The following PRKCG variants were observed in gnomAD, a reference collection of about 807,000 sequenced individuals.
PRKCG encodes the protein protein kinase C gamma type.
PRKCG carries 28 observed loss-of-function variants against 82.0 expected under a neutral mutation model. The ratio of observed to expected loss-of-function variants is 0.34; its 90% CI spans 0.25 to 0.47. The LOEUF is 0.47. PRKCG is among the 20% of genes least tolerant of loss of function. PRKCG has a pLI of 1.00. For missense variants in PRKCG, 640 were observed against 952.7 expected, an observed-to-expected ratio of 0.67 and a Z score of 4.32; for synonymous variants, 383 against 376.6, an observed-to-expected ratio of 1.02 and a Z score of -0.20.
Position 53,892,693 on chromosome 19 carries a change from C to T in PRKCG, c.821+50C>T, listed in dbSNP as rs750630856. On this transcript the variant is annotated intron_variant, in intron 7 of 17. Transcript: ENST00000263431. The surrounding 1 kb of genome is among the most constrained non-coding windows in gnomAD (Gnocchi z 5.9). Reference sequence around the variant, plus strand: ...GGATGGAGCGCAATATTACCATCTCCATCTGTGTGTGGTCTCTCTCCTCCA... The same window carrying T: ...GGATGGAGCGCAATATTACCATCTCTATCTGTGTGTGGTCTCTCTCCTCCA... 3.8e-6 allele frequency: 6 copies of T among 1,588,662 alleles called. No individual in the cohort carries two copies. The highest frequency in any genetic ancestry group is 1.7e-5 in the Admixed American group (1 of 58,858).
In PRKCG at chr19:53,883,044, G is replaced by A; in HGVS notation, c.171-119G>A. The A allele has an allele frequency of 7.5e-7, 1 of 1,331,128 alleles. No homozygotes were observed. Among genetic ancestry groups the A allele is most frequent in the South Asian group, 1.2e-5 (1 of 85,214 alleles). 82.5% of individuals were successfully genotyped at this position (1,331,128 alleles called of 1,614,324 possible). A position where few individuals can be genotyped will look rare whatever the true frequency, so the allele number is the denominator to read the frequency against. Reference sequence around the variant, plus strand: ...GTTCTAGAAAGAGGAGGTGGCCGGGGCTTGGACACCTGGGCCCTGCGGGAG... The same window carrying A: ...GTTCTAGAAAGAGGAGGTGGCCGGGACTTGGACACCTGGGCCCTGCGGGAG... On this transcript the variant is annotated intron_variant, in intron 1 of 17. Coordinates refer to ENST00000263431, the MANE Select transcript of PRKCG (RefSeq NM_002739.5). The surrounding 1 kb of genome is among the most constrained non-coding windows in gnomAD (Gnocchi z 5.4).
Position 53,889,754 on chromosome 19 carries a change from G to A in PRKCG, c.397+5G>A. 2 of 1,613,424 alleles carry A rather than the reference G, an allele frequency of 1.2e-6. No individual in the cohort carries two copies. Among genetic ancestry groups the A allele is most frequent in the Non-Finnish European group, 1.7e-6 (2 of 1,179,716 alleles). ...ACCAGGGCATGAAATGCTCCTGTGA[G>A]TGACCTGGGCCTTGCCAGGGCCCTT... is the stretch of plus-strand genomic sequence containing the variant. On this transcript the variant is annotated splice_donor_5th_base_variant and intron_variant, in intron 4 of 17. Coordinates refer to ENST00000263431, the MANE Select transcript of PRKCG (RefSeq NM_002739.5). This position sits in a 1 kb window ranked among gnomAD's most constrained non-coding sequence, Gnocchi z 4.4.
chr19:53,889,831 GGAGTCTTGGCTTGGGGGCGGGGCCT>G lies in PRKCG; in HGVS notation c.398-51_398-27del. 1 of 1,573,010 alleles carries G rather than the reference GGAGTCTTGGCTTGGGGGCGGGGCCT, an allele frequency of 6.4e-7. No individual in the cohort carries two copies. On this transcript the variant is annotated intron_variant, in intron 4 of 17. Transcript: ENST00000263431. This position sits in a 1 kb window ranked among gnomAD's most constrained non-coding sequence, Gnocchi z 4.4. ...AAATGCCCGGGATGGGGTGGGGGGT[GGAGTCTTGGCTTGGGGGCGGGGCCT>G]GAGGTGCTACCCGCAGCTTTCCCCT...
chr19:53,893,911 A>T (rs985353842), intron 9 of PRKCG, among the ~76,000 whole-genome samples: 3 of 149,088 alleles, frequency 2.0e-5, no homozygotes, highest in Non-Finnish European at 4.5e-5. Flanking sequence ...CCGCCACCAC[A>T]CCCAGCTAAT....
intron 15 of PRKCG, 130 bp from the exon 16 acceptor site, chr19:53,904,505 G>A: frequency 1.4e-6 from 1 of 734,708 alleles, no homozygotes; most frequent in Non-Finnish European, 2.4e-6. Context: ...TCTCCTGAGG[G>A]TGTGGTCAGG....
At chr19:53,888,310 C>G (rs1461310664) in intron 3 of PRKCG, among the ~76,000 whole-genome samples, 1 of 152,138 alleles carries the variant, frequency 6.6e-6, no homozygotes, top group Non-Finnish European at 1.5e-5. Context: ...CCTAAATGTT[C>G]ACCCTGTGAT....
rs770722155 is a variant in PRKCG, at chr19:53,906,857, C to G, written c.2056C>G (p.Arg686Gly). 6.2e-7 allele frequency: 1 copy of G among 1,613,534 alleles called. No homozygotes were observed. Among genetic ancestry groups the G allele is most frequent in the Admixed American group, 1.7e-5 (1 of 59,994 alleles). Residue 686 changes from arginine to glycine, a missense_variant, in exon 18 of 18, where the codon CGC (arginine) becomes GGC (glycine). By Grantham distance (125) the Arg-to-Gly change is moderately radical (BLOSUM62 -2). Coordinates refer to ENST00000263431, the MANE Select transcript of PRKCG (RefSeq NM_002739.5). The stretch of plus-strand genomic sequence containing the variant: ...CCCCGACTTCGTGCACCCGGATGCC[C>G]GCAGCCCCACCAGCCCAGTGCCTGT... ...VNPDFVHPDA[R>G]SPTSPVPVPV... is the part of the protein sequence containing the mutation.
At position 53,907,133 on chromosome 19, in the gene PRKCG, C is replaced by T; in HGVS notation, c.*238C>T. On this transcript the variant is annotated 3_prime_UTR_variant, in exon 18 of 18. Coordinates refer to ENST00000263431, the MANE Select transcript of PRKCG (RefSeq NM_002739.5). Reference sequence around the variant, plus strand: ...GAGCGGAGCCCGATATTCTCCCTGACCTTAGCGTTCTGGACTCTGCCCCAA... The same window carrying T: ...GAGCGGAGCCCGATATTCTCCCTGATCTTAGCGTTCTGGACTCTGCCCCAA... 2 of 932,752 alleles carry T rather than the reference C, an allele frequency of 2.1e-6. No homozygotes were observed. The highest frequency in any genetic ancestry group is 3.1e-6 in the Non-Finnish European group (2 of 637,876). The allele number at this position is 932,752 out of a possible 1,614,324, so 57.8% of individuals were successfully genotyped here.
Position 53,907,126 on chromosome 19 carries a change from T to G in PRKCG, c.*231T>G. 1 of 985,824 alleles carries G rather than the reference T, an allele frequency of 1.0e-6. No homozygotes were observed. Among genetic ancestry groups the G allele is most frequent in the Non-Finnish European group, 1.5e-6 (1 of 684,662 alleles). 61.1% of individuals were successfully genotyped at this position (985,824 alleles called of 1,614,324 possible). ...AAGACTTGAGCGGAGCCCGATATTC[T>G]CCCTGACCTTAGCGTTCTGGACTCT... On this transcript the variant is annotated 3_prime_UTR_variant, in exon 18 of 18. Transcript: ENST00000263431.
At position 53,906,745 on chromosome 19, in the gene PRKCG, G is replaced by A; in HGVS notation, c.1944G>A (p.Thr648=). 6.2e-7 allele frequency: 1 copy of A among 1,613,262 alleles called. No individual in the cohort carries two copies. The highest frequency in any genetic ancestry group is 8.5e-7 in the Non-Finnish European group (1 of 1,180,008). The part of the protein sequence containing the change: ...RSGENFDKFF[T]RAAPALTPPD... ...GCGAGAACTTTGACAAGTTCTTCAC[G>A]CGGGCGGCGCCAGCGCTGACCCCTC... Residue 648 remains threonine, a synonymous_variant, in exon 18 of 18, where the codon ACG becomes ACA. Transcript: ENST00000263431.
At position 53,890,036 on chromosome 19, in the gene PRKCG, G is replaced by T. The variant is rs911948396; in HGVS notation, c.529+19G>T. 79 of 1,546,592 alleles carry T rather than the reference G, an allele frequency of 5.1e-5. No homozygotes were observed. The highest frequency in any genetic ancestry group is 1.2e-4 in the South Asian group (10 of 84,200). On this transcript the variant is annotated intron_variant, in intron 5 of 17. Transcript: ENST00000263431. ...GTAACTGGTGAGGCCCCGCCCCCTC[G>T]CCTGGCCCCGCCCCCTCCCCAAGTG...
intron 16 of PRKCG, among the ~76,000 whole-genome samples, chr19:53,905,998 TCTCTCTGTCTCG>T (rs1452669109): frequency 1.7e-5 from 2 of 117,960 alleles, no homozygotes; most frequent in African/African-American, 4.7e-5. Context: ...CCTCTCTGTC[TCTCTCTGTCTCG>T]CTCTCTGTCT....
chr19:53,906,242 G>C lies in PRKCG; in HGVS notation c.1765-75G>C. 3 of 1,537,772 alleles carry C rather than the reference G, an allele frequency of 2.0e-6. No individual in the cohort carries two copies. The South Asian group carries it at 3.6e-5, about 18-fold the overall frequency. On this transcript the variant is annotated intron_variant, in intron 16 of 17. Transcript: ENST00000263431. Reference sequence around the variant, plus strand: ...TTGGTTCCTCCATCTGCCTGTCTCTGTCCCTCTTTCTCTGGGTCTACCTGT... The same window carrying C: ...TTGGTTCCTCCATCTGCCTGTCTCTCTCCCTCTTTCTCTGGGTCTACCTGT...
chr19:53,907,024 CCG>C lies in PRKCG; in HGVS notation c.*132_*133del, dbSNP rs1025768133. ...GCACCCCAGCATTCCAGCTCTGCCC[CCG>C]CGGGTTCTAGACGCCCCTCCCAAGC... On this transcript the variant is annotated 3_prime_UTR_variant, in exon 18 of 18. Transcript: ENST00000263431. The C allele has an allele frequency of 7.8e-6, 12 of 1,540,696 alleles. No homozygotes were observed. The African/African-American group carries it at 1.6e-4, about 21-fold the overall frequency.
In PRKCG at chr19:53,907,270, G is replaced by T; in HGVS notation, c.*375G>T. The T allele has an allele frequency of 2.9e-6, 1 of 340,796 alleles. No individual in the cohort carries two copies. The allele number at this position is 340,796 out of a possible 1,614,324, so 21.1% of individuals were successfully genotyped here. A position where few individuals can be genotyped will look rare whatever the true frequency, so the allele number is the denominator to read the frequency against. On this transcript the variant is annotated 3_prime_UTR_variant, in exon 18 of 18. Coordinates refer to ENST00000263431, the MANE Select transcript of PRKCG (RefSeq NM_002739.5). ...CCCGCCCCTGGGGAAATAGCCTCAC[G>T]GGGTTGGCTGTTCCAGACTCAGGTT...
At position 53,906,370 on chromosome 19, in the gene PRKCG, T is replaced by A. The variant is rs1225902653; in HGVS notation, c.1818T>A (p.Pro606=). Residue 606 remains proline (P), a synonymous_variant, in exon 17 of 18, where the codon CCT becomes CCA. Transcript: ENST00000263431. ...TGGGCTCAGGGCCTGATGGGGAACC[T>A]ACCATCCGTGCACATGGCTTTTTCC... The part of the protein sequence containing the change: ...KRLGSGPDGE[P]TIRAHGFFRW... 11 of 1,555,878 alleles carry A rather than the reference T, an allele frequency of 7.1e-6. No individual in the cohort carries two copies. Among genetic ancestry groups the A allele is most frequent in the Non-Finnish European group, 9.6e-6 (11 of 1,149,148 alleles).
At chr19:53,898,134 G>A (rs1472325644) in intron 10 of PRKCG, 23 bp downstream of exon 10, 4 of 1,613,098 alleles carry the variant, frequency 2.5e-6, no homozygotes, top group East Asian at 2.2e-5. Flanking sequence ...GGGTTCTGGG[G>A]GAAAGGGAGG....
chr19:53,882,255 C>T lies in PRKCG; in HGVS notation c.-240C>T. On this transcript the variant is annotated 5_prime_UTR_variant, in exon 1 of 18. Coordinates refer to ENST00000263431, the MANE Select transcript of PRKCG (RefSeq NM_002739.5). The surrounding 1 kb of genome is among the most constrained non-coding windows in gnomAD (Gnocchi z 6.1). ...CCGCCGCCGCCCGTGCCTCCGGCTG[C>T]CGGCGCCCCTGCCTTTGGCTCTTCC... 1 of 572,022 alleles carries T rather than the reference C, an allele frequency of 1.7e-6. No homozygotes were observed. The allele number at this position is 572,022 out of a possible 1,614,324, so 35.4% of individuals were successfully genotyped here.
rs2068651901 is a variant in PRKCG, at chr19:53,889,028, C to T, written c.286-610C>T. Among the ~76,000 whole-genome samples, 1 of 152,112 alleles carries T rather than the reference C, an allele frequency of 6.6e-6. No individual in the cohort carries two copies. Among genetic ancestry groups the T allele is most frequent in the Non-Finnish European group, 1.5e-5 (1 of 68,024 alleles). On this transcript the variant is annotated intron_variant, in intron 3 of 17. Transcript: ENST00000263431. This position sits in a 1 kb window ranked among gnomAD's most constrained non-coding sequence, Gnocchi z 4.4. The stretch of plus-strand genomic sequence containing the variant: ...AGTGCAGTGGCACAATCTTGGCTCA[C>T]TGCAACCTCGGCCTCCTGGATTCAA...
Sources: gnomAD v4.1 joint callset for allele counts (sites outside exome capture counted in the v4.1 genomes callset) on GRCh38, gnomAD v4.1.1 for gene constraint, Gnocchi (gnomAD v3.1) non-coding constraint, MANE v1.5 for transcripts, NCBI Gene and HGNC (gene_info 2026-07-23, HGNC 2026-07-21) for gene names.